Variants in PPP1R9A observed in about 807,000 individuals in gnomAD.
The protein encoded by PPP1R9A is neurabin-1.
In PPP1R9A, 59 loss-of-function variants were observed where a neutral mutation model predicts 141.9. The observed-to-expected ratio is 0.42, with a 90% CI of 0.34 to 0.52. The LOEUF is 0.52. Among genes scored for constraint, PPP1R9A ranks in the 20% least tolerant of loss-of-function variants. The pLI is 0.10. For synonymous variants in PPP1R9A, 500 were observed against 569.7 expected, an observed-to-expected ratio of 0.88 and a Z score of 1.74; for missense variants, 1,444 against 1,611.9, an observed-to-expected ratio of 0.90 and a Z score of 1.78.
intron 2 of PPP1R9A, among the ~76,000 whole-genome samples, chr7:95,096,551 T>C (rs953463468): frequency 2.0e-5 from 3 of 152,132 alleles, no homozygotes; most frequent in African/African-American, 7.2e-5. Flanking sequence ...TTCTGGCTCC[T>C]CTCTTTCTTT....
At chr7:95,115,324 GA>G (rs1317611221) in intron 3 of PPP1R9A, among the ~76,000 whole-genome samples, 1 of 152,056 alleles carries the variant, frequency 6.6e-6, no homozygotes, top group East Asian at 1.9e-4. Context: ...TGAATTACCA[GA>G]ATCAACTTTA....
chr7:95,096,596 T>C (rs1293186330), intron 2 of PPP1R9A, among the ~76,000 whole-genome samples: 1 of 152,166 alleles, frequency 6.6e-6, no homozygotes, highest in Non-Finnish European at 1.5e-5. Context: ...CTTTGTAAAC[T>C]CCCATTCTCT....
chr7:94,925,048 A>G (rs962821428), intron 2 of PPP1R9A, among the ~76,000 whole-genome samples: 3 of 152,188 alleles, frequency 2.0e-5, no homozygotes, highest in African/African-American at 7.2e-5. Context: ...AAACAGAACC[A>G]ATAGGATGTG....
chr7:95,284,581 C>T (rs1031077366), intron 17 of PPP1R9A, among the ~76,000 whole-genome samples: 1 of 152,198 alleles, frequency 6.6e-6, no homozygotes, highest in Non-Finnish European at 1.5e-5. Flanking sequence ...CATTACTAAA[C>T]TATTTCACTG....
chr7:95,180,844 T>C (rs1452382805), intron 5 of PPP1R9A, among the ~76,000 whole-genome samples: 1 of 152,058 alleles, frequency 6.6e-6, no homozygotes, highest in Non-Finnish European at 1.5e-5. Flanking sequence ...CCTGCAAGAA[T>C]TGGGCATAAT....
At chr7:95,079,184 T>G (rs1212279859) in intron 2 of PPP1R9A, among the ~76,000 whole-genome samples, 3 of 152,214 alleles carry the variant, frequency 2.0e-5, no homozygotes, top group Admixed American at 2.0e-4. Context: ...GGATCCAGTT[T>G]CAGCTTTCTA....
In PPP1R9A at chr7:94,946,640, G is replaced by A. The variant is rs150752237; in HGVS notation, c.1395+35132G>A. 4.2e-3 allele frequency among the ~76,000 whole-genome samples: 639 copies of A among 152,260 alleles called. 4 individuals carry two copies. The highest frequency in any genetic ancestry group is 0.015 in the African/African-American group (623 of 41,564). On this transcript the variant is annotated intron_variant, in intron 2 of 19. Coordinates refer to ENST00000433360, the MANE Select transcript of PPP1R9A (RefSeq NM_001166160.2). The stretch of plus-strand genomic sequence containing the variant: ...ATATTCTTTCCATAGGATTTAGCCT[G>A]TGTATATTGACTGTCAGACTTCAGG...
intron 2 of PPP1R9A, among the ~76,000 whole-genome samples, chr7:94,989,979 G>A (rs1195178199): frequency 6.6e-6 from 1 of 152,012 alleles, no homozygotes; most frequent in Non-Finnish European, 1.5e-5. Flanking sequence ...GCTTCATGAA[G>A]CGTTTGATTA....
chr7:95,173,206 A>T, intron 5 of PPP1R9A, among the ~76,000 whole-genome samples: 1 of 152,052 alleles, frequency 6.6e-6, no homozygotes, highest in East Asian at 1.9e-4. Context: ...TCATATATAA[A>T]TTGGAGCTAG....
At chr7:95,192,851 C>G (rs896572712) in intron 5 of PPP1R9A, among the ~76,000 whole-genome samples, 1 of 152,020 alleles carries the variant, frequency 6.6e-6, no homozygotes, top group African/African-American at 2.4e-5. Flanking sequence ...GCTGAATTCT[C>G]TTTATGCTAG....
chr7:95,261,516 C>T (rs1210697751), intron 12 of PPP1R9A, among the ~76,000 whole-genome samples: 1 of 151,808 alleles, frequency 6.6e-6, no homozygotes, highest in African/African-American at 2.4e-5. Context: ...TTTTTGATGA[C>T]ACTAAGGGTT....
chr7:95,147,418 A>G (rs1164237702), intron 4 of PPP1R9A, among the ~76,000 whole-genome samples: 1 of 152,162 alleles, frequency 6.6e-6, no homozygotes, highest in East Asian at 1.9e-4. Flanking sequence ...GGTTTTCTAA[A>G]TATACAATCA....
At chr7:95,180,729 A>G (rs1372397020) in intron 5 of PPP1R9A, among the ~76,000 whole-genome samples, 2 of 152,094 alleles carry the variant, frequency 1.3e-5, no homozygotes, top group African/African-American at 4.8e-5. Context: ...ACAGTTCTCA[A>G]AACAAAAGAA....
At chr7:95,027,305 C>T (rs1430210444) in intron 2 of PPP1R9A, among the ~76,000 whole-genome samples, 1 of 152,178 alleles carries the variant, frequency 6.6e-6, no homozygotes, top group Non-Finnish European at 1.5e-5. Context: ...CCTCACAGCA[C>T]AGTCCCTCAC....
At position 95,274,165 on chromosome 7, in the gene PPP1R9A, G is replaced by A. The variant is rs61749905; in HGVS notation, c.3293G>A (p.Ser1098Asn). ...EKEASRFSAG[S>N]RIFRGRLENW... is the part of the protein sequence containing the mutation. ...GAAGCCAGTAGGTTTTCTGCAGGTAGCAGGTACGGTTGTGTGATTAAGAAC... is the reference window on the plus strand; with the variant it reads ...GAAGCCAGTAGGTTTTCTGCAGGTAACAGGTACGGTTGTGTGATTAAGAAC... The change falls in exon 16 of 20, where the codon AGC becomes AAC. Residue 1098 changes from serine to asparagine, a missense_variant. By Grantham distance (46) the Ser-to-Asn change is conservative. Transcript: ENST00000433360. 16,964 of 1,560,982 alleles carry A rather than the reference G, an allele frequency of 0.011. 120 individuals are homozygous for A. The highest frequency in any genetic ancestry group is 0.012 in the Non-Finnish European group (14,260 of 1,154,030).
chr7:95,096,106 C>G (rs1242366118), intron 2 of PPP1R9A, among the ~76,000 whole-genome samples: 1 of 152,144 alleles, frequency 6.6e-6, no homozygotes, highest in African/African-American at 2.4e-5. Context: ...ACAGATAGTG[C>G]TAAACCTCAA....
intron 2 of PPP1R9A, among the ~76,000 whole-genome samples, chr7:94,924,361 G>C (rs1219761943): frequency 6.6e-6 from 1 of 152,076 alleles, no homozygotes; most frequent in South Asian, 2.1e-4. Flanking sequence ...TCTGTATAAC[G>C]AGTTCTGTGA....
At chr7:95,012,023 T>C (rs1429328994) in intron 2 of PPP1R9A, among the ~76,000 whole-genome samples, 1 of 152,186 alleles carries the variant, frequency 6.6e-6, no homozygotes, top group Admixed American at 6.6e-5. Context: ...AACAATATGA[T>C]AAAGCTGGTA....
At chr7:95,195,005 TAC>T (rs1836032178) in intron 5 of PPP1R9A, among the ~76,000 whole-genome samples, 1 of 152,064 alleles carries the variant, frequency 6.6e-6, no homozygotes, top group South Asian at 2.1e-4. Flanking sequence ...AAACAATTGA[TAC>T]AGAGTTAGAA....
Sources: gnomAD v4.1 joint callset for allele counts (sites outside exome capture counted in the v4.1 genomes callset) on GRCh38, gnomAD v4.1.1 for gene constraint, MANE v1.5 for transcripts, NCBI Gene and HGNC (gene_info 2026-07-23, HGNC 2026-07-21) for gene names.